The following CMC2 variants were observed in gnomAD, a reference collection of about 807,000 sequenced individuals.
CMC2 encodes COX assembly mitochondrial protein 2 homolog.
In CMC2, 5 loss-of-function variants were observed where a neutral mutation model predicts 7.5. That is an observed-to-expected ratio of 0.66 (90% CI 0.35 to 1.40). The LOEUF is 1.40. Among genes scored for constraint, CMC2 ranks in the 40% most tolerant of loss-of-function variants. The pLI, the probability that CMC2 is intolerant of heterozygous loss-of-function variation, is 0.04. For missense variants in CMC2, 115 were observed against 92.3 expected (o/e 1.25, Z -1.01); for synonymous variants, 37 against 31.4 (o/e 1.18, Z -0.60).
rs975645853 is a variant in CMC2 at position 80,971,630 on chromosome 16, G to A, written c.*4463C>T. On this transcript the variant is annotated 3_prime_UTR_variant, in exon 4 of 4. Coordinates refer to ENST00000219400, the MANE Select transcript of CMC2 (RefSeq NM_020188.5). ...TATATATGTATGAAATCATGCATGA[G>A]AATGAAATATATCAAAGTCAGGGTA... The A allele has an allele frequency of 1.5e-5, 2 of 137,786 alleles. No homozygotes were observed. Among genetic ancestry groups the A allele is most frequent in the South Asian group, 4.3e-4 (2 of 4,628 alleles). The allele number at this position is 137,786 out of a possible 1,614,324, so 8.5% of individuals were successfully genotyped here.
chr16:80,989,636 G>C (rs187300682), intron 2 of CMC2, among the ~76,000 whole-genome samples: 3 of 152,102 alleles, frequency 2.0e-5, no homozygotes, highest in African/African-American at 7.2e-5. Context: ...TGGGCGTTAC[G>C]TATGCTCATT....
Position 80,971,469 on chromosome 16 carries a change from C to T in CMC2, c.*4624G>A, listed in dbSNP as rs553692745. 4 of 147,312 alleles carry T rather than the reference C, an allele frequency of 2.7e-5. No individual in the cohort carries two copies. Among genetic ancestry groups the T allele is most frequent in the African/African-American group, 1.0e-4 (4 of 39,106 alleles). The allele number at this position is 147,312 out of a possible 1,614,324, so 9.1% of individuals were successfully genotyped here. ...ATTTTTTTTTTAAAAAAAAAAGGTA[C>T]GCTACCAAAGGCTACACACATCATG... On this transcript the variant is annotated 3_prime_UTR_variant, in exon 4 of 4. Transcript: ENST00000219400.
intron 1 of CMC2, among the ~76,000 whole-genome samples, chr16:81,000,692 A>G (rs1968802718): frequency 6.6e-6 from 1 of 152,182 alleles, no homozygotes; most frequent in Non-Finnish European, 1.5e-5. Context: ...AAAAGTCAAA[A>G]AAACACAGAT....
chr16:80,997,884 AT>A (rs1409537423), intron 1 of CMC2: 1 of 152,124 alleles, frequency 6.6e-6, no homozygotes, highest in Non-Finnish European at 1.5e-5. Context: ...GTGAATATAG[AT>A]TGCTTTTTTC....
chr16:80,996,702 G>A, intron 2 of CMC2, among the ~76,000 whole-genome samples: 1 of 152,168 alleles, frequency 6.6e-6, no homozygotes. Flanking sequence ...AATGCTTCTT[G>A]TAACAACGGT....
intron 2 of CMC2, among the ~76,000 whole-genome samples, chr16:80,985,150 T>C (rs1401606900): frequency 6.6e-6 from 1 of 152,212 alleles, no homozygotes; most frequent in Non-Finnish European, 1.5e-5. Flanking sequence ...AAATAAGAAG[T>C]CACTGCCATA....
intron 2 of CMC2, among the ~76,000 whole-genome samples, chr16:80,996,328 G>A (rs562605164): frequency 6.6e-6 from 1 of 152,214 alleles, no homozygotes; most frequent in Non-Finnish European, 1.5e-5. Context: ...TTCTGTCTCT[G>A]ACTATAACTG....
At chr16:80,989,269 T>G (rs1967786652) in intron 2 of CMC2, among the ~76,000 whole-genome samples, 1 of 152,220 alleles carries the variant, frequency 6.6e-6, no homozygotes, top group Admixed American at 6.5e-5. Flanking sequence ...TAACAAAAAG[T>G]GATTTTCTAA....
intron 2 of CMC2, among the ~76,000 whole-genome samples, chr16:80,995,526 G>A (rs1482426914): frequency 6.6e-6 from 1 of 151,640 alleles, no homozygotes; most frequent in African/African-American, 2.4e-5. Flanking sequence ...GCCTGGTGGC[G>A]CACGCCTGTA....
Position 80,978,976 on chromosome 16 carries a change from G to C in CMC2, c.154-2797C>G, listed in dbSNP as rs187500109. On this transcript the variant is annotated intron_variant, in intron 3 of 3. Coordinates refer to ENST00000219400, the MANE Select transcript of CMC2 (RefSeq NM_020188.5). ...GGCACCTGTAGTCCCAGTTACTCAGGAGGCTGAGGCAGGAGAATGGCGTGA... is the reference window on the plus strand; with the variant it reads ...GGCACCTGTAGTCCCAGTTACTCAGCAGGCTGAGGCAGGAGAATGGCGTGA... Among the ~76,000 whole-genome samples, 440 of 152,246 alleles carry C rather than the reference G, an allele frequency of 2.9e-3. 4 individuals carry two copies. The highest frequency in any genetic ancestry group is 0.01 in the African/African-American group (420 of 41,542).
chr16:81,000,605 A>G (rs1009732268), intron 1 of CMC2, among the ~76,000 whole-genome samples: 1 of 152,236 alleles, frequency 6.6e-6, no homozygotes, highest in Non-Finnish European at 1.5e-5. Flanking sequence ...AATGCTCAAC[A>G]TCACTAATCA....
At chr16:80,988,570 G>T in intron 2 of CMC2, 1 of 700,702 alleles carries the variant, frequency 1.4e-6, no homozygotes, top group Non-Finnish European at 2.6e-6. Flanking sequence ...TCTGAACCGA[G>T]TAAGTTGCAG....
chr16:80,995,742 C>T (rs879909022), intron 2 of CMC2, among the ~76,000 whole-genome samples: 4 of 152,086 alleles, frequency 2.6e-5, no homozygotes, highest in Non-Finnish European at 5.9e-5. Flanking sequence ...AAAAGTAGTG[C>T]AGTGGTTACC....
At chr16:80,976,840 GA>G (rs1912430582) in intron 3 of CMC2, among the ~76,000 whole-genome samples, 1 of 152,038 alleles carries the variant, frequency 6.6e-6, no homozygotes, top group Non-Finnish European at 1.5e-5. Context: ...CTTTTGCGCT[GA>G]ACATTGCTAG....
At position 80,968,484 on chromosome 16, in the gene CMC2, C is replaced by G. The variant is rs1432975353; in HGVS notation, c.*7609G>C. The G allele has an allele frequency of 6.6e-6, 1 of 152,164 alleles. No individual in the cohort carries two copies. Among genetic ancestry groups the G allele is most frequent in the East Asian group, 1.9e-4 (1 of 5,184 alleles). 9.4% of individuals were successfully genotyped at this position (152,164 alleles called of 1,614,324 possible). On this transcript the variant is annotated 3_prime_UTR_variant, in exon 4 of 4. Coordinates refer to ENST00000219400, the MANE Select transcript of CMC2 (RefSeq NM_020188.5). ...GATGAAGGTCTCTGAACAGAAGATG[C>G]TCTTATAACTCCTCTCTTTGCCATG...
rs980991122 is a variant in CMC2, at chr16:80,971,168, C to A, written c.*4925G>T. On this transcript the variant is annotated 3_prime_UTR_variant, in exon 4 of 4. Coordinates refer to ENST00000219400, the MANE Select transcript of CMC2 (RefSeq NM_020188.5). ...ACAACAAAAATACAAATCATAAAAT[C>A]TTAAAAACATTTGGGGTGTAATTTA... 6.6e-6 allele frequency: 1 copy of A among 152,046 alleles called. No homozygotes were observed. Among genetic ancestry groups the A allele is most frequent in the African/African-American group, 2.4e-5 (1 of 41,394 alleles). 9.4% of individuals were successfully genotyped at this position (152,046 alleles called of 1,614,324 possible). A position where few individuals can be genotyped will look rare whatever the true frequency, so the allele number is the denominator to read the frequency against.
intron 3 of CMC2, chr16:80,978,289 G>C (rs1012862419): frequency 2.5e-6 from 3 of 1,212,748 alleles, no homozygotes; most frequent in Non-Finnish European, 3.1e-6. Context: ...GTTGAGAAGG[G>C]TCTTAAGGGA....
Position 80,975,032 on chromosome 16 carries a change from C to T in CMC2, c.*1061G>A, listed in dbSNP as rs1271062023. Reference sequence around the variant, plus strand: ...TCACAGCTGAGTCTGTTCCCTGACACCTGACAAGATCAAGCCCCTGCTGTG... The same window carrying T: ...TCACAGCTGAGTCTGTTCCCTGACATCTGACAAGATCAAGCCCCTGCTGTG... On this transcript the variant is annotated 3_prime_UTR_variant, in exon 4 of 4. Transcript: ENST00000219400. 6.6e-6 allele frequency: 1 copy of T among 152,280 alleles called. No individual in the cohort carries two copies. The highest frequency in any genetic ancestry group is 2.4e-5 in the African/African-American group (1 of 41,470). 9.4% of individuals were successfully genotyped at this position (152,280 alleles called of 1,614,324 possible). A position where few individuals can be genotyped will look rare whatever the true frequency, so the allele number is the denominator to read the frequency against.
chr16:80,995,536 A>G (rs933070602), intron 2 of CMC2, among the ~76,000 whole-genome samples: 3 of 152,058 alleles, frequency 2.0e-5, no homozygotes, highest in Non-Finnish European at 4.4e-5. Context: ...GCACGCCTGT[A>G]ATCCCAGCTA....
Sources: gnomAD v4.1 joint callset for allele counts (sites outside exome capture counted in the v4.1 genomes callset) on GRCh38, gnomAD v4.1.1 for gene constraint, MANE v1.5 for transcripts, NCBI Gene and HGNC (gene_info 2026-07-23, HGNC 2026-07-21) for gene names.